CDH8: variants seen among roughly 807,000 people sequenced by gnomAD.
CDH8 encodes the protein cadherin-8.
A neutral mutation model predicts 68.1 loss-of-function variants in CDH8; 17 were observed. The observed-to-expected ratio is 0.25, with a 90% CI of 0.17 to 0.37. The LOEUF (loss-of-function observed/expected upper bound fraction) is 0.37. Ranked by LOEUF, CDH8 falls within the 10% of genes least tolerant of loss-of-function variation. The pLI, the probability that CDH8 is intolerant of heterozygous loss-of-function variation, is 1.00. For synonymous variants in CDH8, 372 were observed against 365.1 expected, an observed-to-expected ratio of 1.02 and a Z score of -0.21; for missense variants, 763 against 999.3, an observed-to-expected ratio of 0.76 and a Z score of 3.19.
At chr16:61,734,079 TAA>T (rs1959609627) in intron 8 of CDH8, among the ~76,000 whole-genome samples, 1 of 152,064 alleles carries the variant, frequency 6.6e-6, no homozygotes, top group Non-Finnish European at 1.5e-5. Flanking sequence ...CAAACAGAGA[TAA>T]AGACTCTGTT....
intron 2 of CDH8, among the ~76,000 whole-genome samples, chr16:62,016,395 A>G (rs1901940969): frequency 6.6e-6 from 1 of 152,226 alleles, no homozygotes; most frequent in South Asian, 2.1e-4. Flanking sequence ...TATTCGTGGC[A>G]TGGTTGTATC....
At chr16:61,811,844 A>G (rs1205909637) in intron 7 of CDH8, among the ~76,000 whole-genome samples, 1 of 152,228 alleles carries the variant, frequency 6.6e-6, no homozygotes, top group Non-Finnish European at 1.5e-5. Flanking sequence ...GGTATCCAAA[A>G]TAGTCAAATC....
At chr16:61,892,724 A>G (rs1360972024) in intron 3 of CDH8, among the ~76,000 whole-genome samples, 1 of 152,130 alleles carries the variant, frequency 6.6e-6, no homozygotes, top group African/African-American at 2.4e-5. Flanking sequence ...GACACCACAT[A>G]ACAACAGGAG....
intron 2 of CDH8, among the ~76,000 whole-genome samples, chr16:61,905,886 C>T (rs1007086244): frequency 5.3e-5 from 8 of 151,024 alleles, no homozygotes; most frequent in Non-Finnish European, 8.8e-5. Context: ...CAGAGCAAGA[C>T]TCCGTCTTGA....
rs139623736 is a variant in CDH8, at chr16:61,729,423, C to G, written c.1415-2208G>C. ...AAGTTTTGGCCCAAATATCAAATAC[C>G]GAATGTCTAAGGGGTTGTACCATCA... On this transcript the variant is annotated intron_variant, in intron 8 of 11. Coordinates refer to ENST00000577390, the MANE Select transcript of CDH8 (RefSeq NM_001796.5). 4.0e-3 allele frequency among the ~76,000 whole-genome samples: 598 copies of G among 151,026 alleles called. 17 individuals carry two copies. Among genetic ancestry groups the G allele is most frequent in the Admixed American group, 0.018 (269 of 15,076 alleles).
chr16:61,896,390 C>A (rs1325301950), intron 3 of CDH8, among the ~76,000 whole-genome samples: 1 of 152,196 alleles, frequency 6.6e-6, no homozygotes, highest in Non-Finnish European at 1.5e-5. Flanking sequence ...GTAAATTTCT[C>A]AATTAGAATT....
At chr16:61,656,457 G>C (rs1375279423) in intron 10 of CDH8, among the ~76,000 whole-genome samples, 1 of 152,104 alleles carries the variant, frequency 6.6e-6, no homozygotes, top group East Asian at 1.9e-4. Context: ...TGTATTAAAA[G>C]ATAGACTGTA....
chr16:62,001,583 T>G (rs530696358), intron 2 of CDH8, among the ~76,000 whole-genome samples: 9 of 152,320 alleles, frequency 5.9e-5, no homozygotes, highest in African/African-American at 2.2e-4. Context: ...ATCTTCTCCC[T>G]TCCTGCCTAG....
In CDH8 at chr16:62,021,135, T is replaced by A. The variant is rs1283065673; in HGVS notation, c.252+17A>T. 4 of 1,612,092 alleles carry A rather than the reference T, an allele frequency of 2.5e-6. No homozygotes were observed. The highest frequency in any genetic ancestry group is 3.4e-6 in the Non-Finnish European group (4 of 1,178,692). On this transcript the variant is annotated intron_variant, in intron 2 of 11. Transcript: ENST00000577390. ...ACTAACAGACCCTGAAATTGAGATCTTAAAAACAAAGCTTACCCGGCCAAC... is the reference window on the plus strand; with the variant it reads ...ACTAACAGACCCTGAAATTGAGATCATAAAAACAAAGCTTACCCGGCCAAC...
In CDH8 at chr16:61,838,664, G is replaced by A. The variant is rs74023267; in HGVS notation, c.668-13485C>T. ...AAACTTGCAGCCATTACTAGCATGTGACATTTTATGCTGTGTAATGCTGAA... is the reference window on the plus strand; with the variant it reads ...AAACTTGCAGCCATTACTAGCATGTAACATTTTATGCTGTGTAATGCTGAA... On this transcript the variant is annotated intron_variant, in intron 4 of 11. Coordinates refer to ENST00000577390, the MANE Select transcript of CDH8 (RefSeq NM_001796.5). Among the ~76,000 whole-genome samples the A allele has an allele frequency of 4.2e-3, 640 of 152,208 alleles. 5 individuals carry two copies. Among genetic ancestry groups the A allele is most frequent in the African/African-American group, 0.014 (601 of 41,534 alleles).
At chr16:61,904,160 C>A (rs1007355969) in intron 2 of CDH8, among the ~76,000 whole-genome samples, 2 of 152,060 alleles carry the variant, frequency 1.3e-5, no homozygotes, top group Non-Finnish European at 2.9e-5. Flanking sequence ...TTCAGGTAAC[C>A]AACTTGATAA....
At chr16:61,751,382 TAAAAAAAAAAAAAAAAAA>T (rs71134375) in intron 8 of CDH8, among the ~76,000 whole-genome samples, 1 of 54,138 alleles carries the variant, frequency 1.8e-5, no homozygotes, top group Non-Finnish European at 3.1e-5. Flanking sequence ...ATATTCTCCT[TAAAAAAAAAAAAAAAAAA>T]AAAAAAAAAA....
At chr16:61,908,421 G>A (rs1371286447) in intron 2 of CDH8, among the ~76,000 whole-genome samples, 1 of 152,172 alleles carries the variant, frequency 6.6e-6, no homozygotes. Context: ...AGGGCAGGAA[G>A]GAGAAAGAAA....
At chr16:61,817,811 T>C in intron 6 of CDH8, 79 bp from the exon 7 acceptor site, 2 of 1,401,428 alleles carry the variant, frequency 1.4e-6, no homozygotes, top group Non-Finnish European at 1.9e-6. Context: ...TGCTGATGGA[T>C]GAAAGTTATG....
chr16:61,735,115 A>G (rs1334922853), intron 8 of CDH8, among the ~76,000 whole-genome samples: 2 of 152,016 alleles, frequency 1.3e-5, no homozygotes, highest in African/African-American at 4.8e-5. Flanking sequence ...TCTAATAAGG[A>G]CACTTGTCAT....
chr16:61,800,448 A>G (rs1961595580), intron 7 of CDH8, among the ~76,000 whole-genome samples: 1 of 152,178 alleles, frequency 6.6e-6, no homozygotes, highest in Non-Finnish European at 1.5e-5. Context: ...TTCCTCTTCC[A>G]TACTTGTTCT....
intron 3 of CDH8, among the ~76,000 whole-genome samples, chr16:61,875,284 C>T (rs946828651): frequency 4.6e-5 from 7 of 152,004 alleles, no homozygotes; most frequent in Non-Finnish European, 7.3e-5. Flanking sequence ...GGAATACTAC[C>T]GTGGACTCCA....
chr16:61,982,503 A>G (rs368766908), intron 2 of CDH8, among the ~76,000 whole-genome samples: 4 of 151,796 alleles, frequency 2.6e-5, no homozygotes, highest in East Asian at 1.9e-4. Context: ...ACAGGCGTGA[A>G]CCACCGCGCC....
chr16:61,995,441 G>A (rs1965791824), intron 2 of CDH8, among the ~76,000 whole-genome samples: 1 of 151,960 alleles, frequency 6.6e-6, no homozygotes, highest in African/African-American at 2.4e-5. Context: ...GCAGTGGCAC[G>A]ATCTCGGCTC....
Sources: gnomAD v4.1 joint callset for allele counts (sites outside exome capture counted in the v4.1 genomes callset) on GRCh38, gnomAD v4.1.1 for gene constraint, MANE v1.5 for transcripts, NCBI Gene and HGNC (gene_info 2026-07-23, HGNC 2026-07-21) for gene names.